Variants in UTRN observed in about 807,000 individuals in gnomAD.
The protein encoded by UTRN is dystrophin-related protein 1.
In UTRN, 283 loss-of-function variants were observed where a neutral mutation model predicts 463.9. The ratio of observed to expected loss-of-function variants is 0.61; its 90% confidence interval spans 0.55 to 0.67. The LOEUF (loss-of-function observed/expected upper bound fraction) is 0.67. Among genes scored for constraint, UTRN ranks in the 30% least tolerant of loss-of-function variants. UTRN has a pLI of 0.00. For synonymous variants in UTRN, 1,442 were observed against 1,431.5 expected (o/e 1.01, Z -0.17); for missense variants, 3,922 against 4,084.3 (o/e 0.96, Z 1.08).
intron 51 of UTRN, among the ~76,000 whole-genome samples, chr6:144,623,374 A>G (rs1775623611): frequency 6.6e-6 from 1 of 152,266 alleles, no homozygotes; most frequent in South Asian, 2.1e-4. Flanking sequence ...AATTTTTTAC[A>G]AAGTGTTTTA....
chr6:144,348,197 T>C (rs536616059), intron 2 of UTRN, among the ~76,000 whole-genome samples: 22 of 152,150 alleles, frequency 1.4e-4, no homozygotes, highest in African/African-American at 4.8e-4. Context: ...CTCCAGGAGG[T>C]TGACGACCAC....
intron 2 of UTRN, chr6:144,397,928 C>T (rs1190165359): frequency 1.3e-5 from 2 of 159,460 alleles, no homozygotes; most frequent in African/African-American, 4.8e-5. Flanking sequence ...GAGTTGTTTT[C>T]CTTTCCCTTC....
intron 51 of UTRN, among the ~76,000 whole-genome samples, chr6:144,597,535 A>G (rs985121765): frequency 6.6e-6 from 1 of 152,184 alleles, no homozygotes; most frequent in African/African-American, 2.4e-5. Context: ...GTTGGTGTGT[A>G]ACCTTATTTA....
chr6:144,805,722 C>T (rs1338054648), intron 65 of UTRN, among the ~76,000 whole-genome samples: 1 of 152,048 alleles, frequency 6.6e-6, no homozygotes, highest in Non-Finnish European at 1.5e-5. Context: ...GATTGTAGGG[C>T]CCTGTACAAC....
At chr6:144,324,989 A>G (rs1775887592) in intron 2 of UTRN, among the ~76,000 whole-genome samples, 1 of 152,158 alleles carries the variant, frequency 6.6e-6, no homozygotes, top group Non-Finnish European at 1.5e-5. Context: ...TGACTCTCAG[A>G]GCTTTCCCCT....
chr6:144,778,359 G>A (rs529036875), intron 60 of UTRN, among the ~76,000 whole-genome samples: 2 of 152,218 alleles, frequency 1.3e-5, no homozygotes, highest in South Asian at 4.2e-4. Context: ...AAGAAGGCCA[G>A]GCCTTTATGG....
chr6:144,347,346 A>G (rs890182729), intron 2 of UTRN, among the ~76,000 whole-genome samples: 1 of 152,242 alleles, frequency 6.6e-6, no homozygotes, highest in Non-Finnish European at 1.5e-5. Context: ...TGGAGGGTAC[A>G]GGGGAATGTA....
At position 144,438,799 on chromosome 6, in the gene UTRN, C is replaced by A; in HGVS notation, c.1296C>A (p.Ala432=). The change falls in exon 12 of 75, where the codon GCC becomes GCA. Residue 432 remains alanine (A), a synonymous_variant. Transcript: ENST00000367545. ...LQKKQLQQLS[A]WLTLTEERIQ... ...AGAAGCAACTGCAGCAGCTCTCCGC[C>A]TGGTTAACACTCACAGAGGAGCGCA... is the stretch of plus-strand genomic sequence containing the variant. 1.2e-6 allele frequency: 2 copies of A among 1,614,232 alleles called. No individual in the cohort carries two copies.
intron 51 of UTRN, among the ~76,000 whole-genome samples, chr6:144,665,252 C>T (rs550746374): frequency 6.2e-4 from 95 of 152,304 alleles, no homozygotes; most frequent in Non-Finnish European, 1.0e-3. Flanking sequence ...CCTGGTGGTA[C>T]TGTTCTAAAT....
intron 2 of UTRN, among the ~76,000 whole-genome samples, chr6:144,381,269 G>C (rs910515685): frequency 1.3e-5 from 2 of 152,114 alleles, no homozygotes; most frequent in African/African-American, 4.8e-5. Flanking sequence ...TGAGAAATGT[G>C]GTATTTGGCT....
chr6:144,600,872 G>A (rs1585496092), intron 51 of UTRN, among the ~76,000 whole-genome samples: 1 of 152,314 alleles, frequency 6.6e-6, no homozygotes, highest in East Asian at 1.9e-4. Context: ...AGACTGTCTT[G>A]TTAGTGGTTA....
chr6:144,311,313 T>C (rs1442366197), intron 2 of UTRN, among the ~76,000 whole-genome samples: 1 of 152,186 alleles, frequency 6.6e-6, no homozygotes, highest in African/African-American at 2.4e-5. Context: ...ATAGGTAGGA[T>C]GTGGCTTTCT....
At chr6:144,311,176 G>C (rs888465740) in intron 2 of UTRN, among the ~76,000 whole-genome samples, 21 of 152,180 alleles carry the variant, frequency 1.4e-4, no homozygotes, top group African/African-American at 4.8e-4. Context: ...CCAGGTTATG[G>C]GGCTCTGGAA....
intron 2 of UTRN, among the ~76,000 whole-genome samples, chr6:144,326,878 G>A (rs183928173): frequency 2.6e-5 from 4 of 152,278 alleles, no homozygotes; most frequent in Admixed American, 2.6e-4. Context: ...ATTTTCTCAA[G>A]ATGCACCTGT....
At chr6:144,310,951 C>A (rs762167850) in intron 2 of UTRN, among the ~76,000 whole-genome samples, 5 of 152,352 alleles carry the variant, frequency 3.3e-5, no homozygotes, top group Middle Eastern at 3.4e-3. Flanking sequence ...AACAGGCAGT[C>A]ATGAAATGAG....
intron 54 of UTRN, among the ~76,000 whole-genome samples, chr6:144,744,316 A>ATG (rs1382674656): frequency 2.8e-4 from 34 of 121,598 alleles, no homozygotes; most frequent in African/African-American, 1.2e-3. Flanking sequence ...ATATATATAT[A>ATG]TATATGTGTG....
chr6:144,726,909 T>C (rs1325906685), intron 53 of UTRN, among the ~76,000 whole-genome samples: 3 of 152,222 alleles, frequency 2.0e-5, no homozygotes, highest in Non-Finnish European at 1.5e-5. Flanking sequence ...CAAAGTATCC[T>C]TTCTATAGAC....
At chr6:144,467,549 C>T (rs148578923) in intron 23 of UTRN, among the ~76,000 whole-genome samples, 4 of 152,074 alleles carry the variant, frequency 2.6e-5, no homozygotes, top group Non-Finnish European at 5.9e-5. Flanking sequence ...TGTAGTCATG[C>T]CTCTTCCTTC....
chr6:144,739,315 C>G (rs1227481657), intron 54 of UTRN, among the ~76,000 whole-genome samples: 1 of 152,136 alleles, frequency 6.6e-6, no homozygotes, highest in African/African-American at 2.4e-5. Flanking sequence ...CAAACTTATG[C>G]AAATACAATT....
Sources: allele counts gnomAD v4.1 joint callset (sites outside exome capture counted in the v4.1 genomes callset), GRCh38; gene constraint gnomAD v4.1.1; transcripts MANE v1.5; gene names NCBI Gene and HGNC (gene_info 2026-07-23, HGNC 2026-07-21).